XKR6: variants seen among roughly 807,000 people sequenced by gnomAD.
The protein encoded by XKR6 is XK-related protein 6.
Under a neutral mutation model 56.7 loss-of-function variants are expected in XKR6, and 22 were observed. That is an observed-to-expected ratio of 0.39 (90% CI 0.28 to 0.55). XKR6 has a LOEUF of 0.55. Among genes scored for constraint, XKR6 ranks in the 20% least tolerant of loss-of-function variants. The probability of loss-of-function intolerance (pLI) is 0.66; values close to 1 mark genes in which losing one functional copy is unlikely to be tolerated. For synonymous variants in XKR6, 524 were observed against 387.8 expected (o/e 1.35, Z -4.13); for missense variants, 852 against 889.0 (o/e 0.96, Z 0.53).
chr8:10,978,708 G>C (rs1355642859), intron 1 of XKR6, among the ~76,000 whole-genome samples: 1 of 152,144 alleles, frequency 6.6e-6, no homozygotes, highest in Non-Finnish European at 1.5e-5. Flanking sequence ...TCTTTGCTTT[G>C]ACAAAGACGC....
chr8:11,128,417 T>G (rs901169603), intron 1 of XKR6, among the ~76,000 whole-genome samples: 1 of 152,210 alleles, frequency 6.6e-6, no homozygotes, highest in African/African-American at 2.4e-5. Flanking sequence ...AACTCCCGTC[T>G]CCTTCATCAC....
chr8:11,080,195 C>T (rs1318168716), intron 1 of XKR6, among the ~76,000 whole-genome samples: 1 of 151,666 alleles, frequency 6.6e-6, no homozygotes, highest in Non-Finnish European at 1.5e-5. Flanking sequence ...GACTTTTGGT[C>T]CTTTGCCTTA....
chr8:11,118,389 G>A (rs994948404), intron 1 of XKR6, among the ~76,000 whole-genome samples: 1 of 152,210 alleles, frequency 6.6e-6, no homozygotes, highest in Non-Finnish European at 1.5e-5. Flanking sequence ...AATGGTACCA[G>A]CTCCTCCTTG....
At chr8:11,001,910 C>T (rs1586416306) in intron 1 of XKR6, among the ~76,000 whole-genome samples, 1 of 152,252 alleles carries the variant, frequency 6.6e-6, no homozygotes, top group East Asian at 1.9e-4. Context: ...TGCTGTTCAG[C>T]CTCTCCAGCC....
At chr8:11,055,643 G>C (rs545664976) in intron 1 of XKR6, among the ~76,000 whole-genome samples, 1 of 152,224 alleles carries the variant, frequency 6.6e-6, no homozygotes, top group Non-Finnish European at 1.5e-5. Context: ...CAAATAACAG[G>C]TTTGGAGCTG....
chr8:10,910,638 T>A (rs771595036), intron 2 of XKR6, among the ~76,000 whole-genome samples: 3 of 152,130 alleles, frequency 2.0e-5, no homozygotes, highest in Admixed American at 2.0e-4. Context: ...ACTCTGGGAA[T>A]ATGGTGGACA....
chr8:11,117,181 T>C (rs1483683340), intron 1 of XKR6, among the ~76,000 whole-genome samples: 2 of 152,262 alleles, frequency 1.3e-5, no homozygotes, highest in African/African-American at 4.8e-5. Flanking sequence ...TGAATCTTTT[T>C]TGCAGAAAGG....
intron 1 of XKR6, among the ~76,000 whole-genome samples, chr8:11,022,767 C>T (rs1798775676): frequency 6.6e-6 from 1 of 152,202 alleles, no homozygotes; most frequent in African/African-American, 2.4e-5. Flanking sequence ...ATTTTTAAAG[C>T]TGGGTCTTTT....
intron 1 of XKR6, among the ~76,000 whole-genome samples, chr8:10,934,723 C>A (rs1347432767): frequency 7.4e-6 from 1 of 136,042 alleles, no homozygotes; most frequent in Non-Finnish European, 1.6e-5. Flanking sequence ...GTATATTGAA[C>A]CAGCCTTGCA....
chr8:11,071,595 C>CG (rs1280045573), intron 1 of XKR6, among the ~76,000 whole-genome samples: 11 of 140,358 alleles, frequency 7.8e-5, no homozygotes, highest in African/African-American at 3.1e-4. Context: ...CCATGAGCCC[C>CG]GAGTCTATCA....
In XKR6 at chr8:11,061,744, G is replaced by C. The variant is rs564951176; in HGVS notation, c.765-136914C>G. On this transcript the variant is annotated intron_variant, in intron 1 of 2. Coordinates refer to ENST00000416569, the MANE Select transcript of XKR6 (RefSeq NM_173683.4). ...TCCAGGAGCAGAAGCCCAGGACGAG[G>C]CCAGCCCATTAAACCCACTTGGCCC... Among the ~76,000 whole-genome samples, 100 of 152,276 alleles carry C rather than the reference G, an allele frequency of 6.6e-4. 1 individual carries two copies. The Middle Eastern group carries it at 0.01, about 16-fold the overall frequency.
At position 11,112,830 on chromosome 8, in the gene XKR6, T is replaced by C. The variant is rs138759719; in HGVS notation, c.764+87746A>G. Among the ~76,000 whole-genome samples the C allele has an allele frequency of 9.3e-4, 141 of 152,286 alleles. 1 individual carries two copies. Among genetic ancestry groups the C allele is most frequent in the African/African-American group, 3.2e-3 (133 of 41,574 alleles). On this transcript the variant is annotated intron_variant, in intron 1 of 2. Transcript: ENST00000416569. The stretch of plus-strand genomic sequence containing the variant: ...ATTTTTTCTTAGTGTATGTGAATAA[T>C]TCTCCCTATCATTACAGAAAGCCAC...
intron 1 of XKR6, among the ~76,000 whole-genome samples, chr8:11,054,430 C>T (rs1245404713): frequency 6.6e-6 from 1 of 152,192 alleles, no homozygotes; most frequent in East Asian, 1.9e-4. Context: ...TTGCACACTG[C>T]CCAAATATGC....
chr8:11,044,507 C>T (rs1360398083), intron 1 of XKR6, among the ~76,000 whole-genome samples: 1 of 152,218 alleles, frequency 6.6e-6, no homozygotes, highest in Admixed American at 6.5e-5. Flanking sequence ...TCAGCTGACA[C>T]ACCTGGGGCC....
intron 1 of XKR6, among the ~76,000 whole-genome samples, chr8:11,045,494 G>C (rs1297362614): frequency 6.6e-6 from 1 of 152,130 alleles, no homozygotes; most frequent in Non-Finnish European, 1.5e-5. Context: ...CTACTTCTTA[G>C]GGTCTGTGTG....
At chr8:11,091,055 G>C (rs1400691942) in intron 1 of XKR6, among the ~76,000 whole-genome samples, 1 of 152,126 alleles carries the variant, frequency 6.6e-6, no homozygotes, top group African/African-American at 2.4e-5. Context: ...TCTTAGGTGA[G>C]AGGTAGGAAA....
chr8:11,044,055 C>T (rs73662683), intron 1 of XKR6, among the ~76,000 whole-genome samples: 1,944 of 152,280 alleles, frequency 0.013, 46 homozygotes, highest in African/African-American at 0.044. Flanking sequence ...AGTGACTAAC[C>T]GAACCCCTGT....
intron 1 of XKR6, among the ~76,000 whole-genome samples, chr8:11,176,926 A>G (rs1802687683): frequency 1.3e-5 from 2 of 152,216 alleles, no homozygotes; most frequent in Admixed American, 1.3e-4. Flanking sequence ...AACCACTTTC[A>G]GCGTGGCCAA....
At chr8:10,947,336 C>G (rs754766897) in intron 1 of XKR6, among the ~76,000 whole-genome samples, 2 of 152,144 alleles carry the variant, frequency 1.3e-5, no homozygotes, top group Admixed American at 6.5e-5. Context: ...GGGGAACGTC[C>G]AGGCCAGGAG....
Sources: allele counts gnomAD v4.1 joint callset (sites outside exome capture counted in the v4.1 genomes callset), GRCh38; gene constraint gnomAD v4.1.1; transcripts MANE v1.5; gene names NCBI Gene and HGNC (gene_info 2026-07-23, HGNC 2026-07-21).